KMT2C: variants seen among roughly 807,000 people sequenced by gnomAD.
The protein encoded by KMT2C is histone-lysine N-methyltransferase 2C.
A neutral mutation model predicts 507.9 loss-of-function variants in KMT2C; 88 were observed. The ratio of observed to expected loss-of-function variants is 0.17; its 90% CI spans 0.15 to 0.21. The LOEUF is 0.21. Ranked by LOEUF, KMT2C falls within the 10% of genes least tolerant of loss-of-function variation. KMT2C has a pLI of 1.00. For missense variants in KMT2C, 4,954 were observed against 5,957.8 expected (o/e 0.83, Z 5.55); for synonymous variants, 2,049 against 2,080.8 (o/e 0.98, Z 0.42).
At position 152,158,926 on chromosome 7, in the gene KMT2C, T is replaced by C. The variant is rs768888267; in HGVS notation, c.11607A>G (p.Lys3869=). The change falls in exon 44 of 59, where the codon AAA becomes AAG. Residue 3869 remains lysine, a synonymous_variant. Coordinates refer to ENST00000262189, the MANE Select transcript of KMT2C (RefSeq NM_170606.3). ...TAGCTTGTTTCTCCTCTTCGTCCTT[T>C]TTCCTTTTCTTTGAGCGAGGTGCTG... The part of the protein sequence containing the change: ...EKAAPRSKKR[K]KDEEEKQAMY... 25 of 1,614,102 alleles carry C rather than the reference T, an allele frequency of 1.5e-5. No individual in the cohort carries two copies. Among genetic ancestry groups the C allele is most frequent in the Middle Eastern group, 1.6e-4 (1 of 6,084 alleles).
chr7:152,301,145 T>C (rs1188860651), intron 6 of KMT2C, among the ~76,000 whole-genome samples: 2 of 151,182 alleles, frequency 1.3e-5, no homozygotes, highest in Non-Finnish European at 2.9e-5. Context: ...GGAGAACTGC[T>C]TGGGCCCAGG....
intron 8 of KMT2C, among the ~76,000 whole-genome samples, chr7:152,263,923 C>G (rs1031286321): frequency 6.6e-6 from 1 of 152,092 alleles, no homozygotes; most frequent in Non-Finnish European, 1.5e-5. Flanking sequence ...GCAAGAAGAG[C>G]TGAGAGAGGA....
intron 3 of KMT2C, among the ~76,000 whole-genome samples, chr7:152,315,776 G>A (rs1361400381): frequency 6.6e-6 from 1 of 152,138 alleles, no homozygotes; most frequent in East Asian, 1.9e-4. Context: ...AATTAGCTGG[G>A]TGTGGTGGCA....
intron 6 of KMT2C, among the ~76,000 whole-genome samples, chr7:152,299,034 T>C (rs1326142009): frequency 2.0e-5 from 3 of 152,116 alleles, no homozygotes; most frequent in South Asian, 2.1e-4. Flanking sequence ...TAATAAATAA[T>C]GTAGGCTGGG....
chr7:152,245,283 C>T (rs995793126), intron 14 of KMT2C, among the ~76,000 whole-genome samples: 6 of 152,014 alleles, frequency 3.9e-5, no homozygotes, highest in African/African-American at 1.5e-4. Flanking sequence ...TCCGGAACTG[C>T]TGTTTTTATA....
intron 13 of KMT2C, among the ~76,000 whole-genome samples, chr7:152,249,041 A>T (rs2095520214): frequency 6.6e-6 from 1 of 152,208 alleles, no homozygotes; most frequent in Non-Finnish European, 1.5e-5. Flanking sequence ...GACAGAAAAG[A>T]TTTACTAACC....
chr7:152,191,203 CCTT>C (rs1468255634), intron 31 of KMT2C, among the ~76,000 whole-genome samples: 1 of 152,174 alleles, frequency 6.6e-6, no homozygotes, highest in Non-Finnish European at 1.5e-5. Flanking sequence ...TCATCCATCT[CCTT>C]GACTAACTGC....
At chr7:152,359,644 G>A (rs748100547) in intron 1 of KMT2C, among the ~76,000 whole-genome samples, 4 of 151,348 alleles carry the variant, frequency 2.6e-5, no homozygotes, top group Admixed American at 6.6e-5. Flanking sequence ...ACATGGTGGC[G>A]TGCCAGTAAT....
chr7:152,288,895 C>T (rs1342332147), intron 6 of KMT2C, among the ~76,000 whole-genome samples: 2 of 152,244 alleles, frequency 1.3e-5, no homozygotes, highest in Non-Finnish European at 2.9e-5. Flanking sequence ...TTTTGCAAGT[C>T]CTAAAAGAAC....
At chr7:152,169,810 G>C (rs1032071677) in intron 40 of KMT2C, among the ~76,000 whole-genome samples, 9 of 152,002 alleles carry the variant, frequency 5.9e-5, no homozygotes, top group Non-Finnish European at 1.2e-4. Flanking sequence ...AGGTGTTTGA[G>C]GCCAGCCTGG....
At chr7:152,351,074 AAC>A (rs1461905388) in intron 2 of KMT2C, among the ~76,000 whole-genome samples, 1 of 152,182 alleles carries the variant, frequency 6.6e-6, no homozygotes, top group Non-Finnish European at 1.5e-5. Flanking sequence ...CAGCGACAAT[AAC>A]ACACAAGGAG....
intron 27 of KMT2C, among the ~76,000 whole-genome samples, chr7:152,197,398 G>A (rs2093995979): frequency 6.6e-6 from 1 of 152,130 alleles, no homozygotes; most frequent in Non-Finnish European, 1.5e-5. Context: ...AAAAGGGGGA[G>A]GAGGGCATAA....
At chr7:152,150,813 G>T in intron 51 of KMT2C, 87 bp downstream of exon 51, 2 of 901,836 alleles carry the variant, frequency 2.2e-6, no homozygotes, top group Non-Finnish European at 3.6e-6. Flanking sequence ...ATGAAGGCAG[G>T]GACACATCTT....
At chr7:152,193,574 T>C (rs2093871283) in intron 31 of KMT2C, among the ~76,000 whole-genome samples, 1 of 152,122 alleles carries the variant, frequency 6.6e-6, no homozygotes, top group African/African-American at 2.4e-5. Flanking sequence ...TGCCATATGC[T>C]ACAAATGAAA....
intron 1 of KMT2C, among the ~76,000 whole-genome samples, chr7:152,378,967 C>T (rs1442034630): frequency 6.6e-6 from 1 of 151,610 alleles, no homozygotes; most frequent in African/African-American, 2.4e-5. Flanking sequence ...AAAAGTTGTC[C>T]TCTTTCTCCC....
intron 2 of KMT2C, among the ~76,000 whole-genome samples, chr7:152,339,755 T>C (rs953101672): frequency 2.0e-5 from 3 of 152,152 alleles, no homozygotes; most frequent in African/African-American, 7.2e-5. Context: ...TCTGTTTTTA[T>C]AAACCAGAGC....
intron 1 of KMT2C, among the ~76,000 whole-genome samples, chr7:152,430,126 C>A (rs557283834): frequency 6.7e-6 from 1 of 148,812 alleles, no homozygotes; most frequent in African/African-American, 2.5e-5. Context: ...CACAGTGAGC[C>A]AGGATCACGC....
At chr7:152,259,387 A>T (rs1166041760) in intron 9 of KMT2C, among the ~76,000 whole-genome samples, 1 of 151,772 alleles carries the variant, frequency 6.6e-6, no homozygotes, top group African/African-American at 2.4e-5. Flanking sequence ...GTATGTAATT[A>T]ACCCTCAAAT....
At chr7:152,282,320 AAAAG>A (rs2096231966) in intron 6 of KMT2C, among the ~76,000 whole-genome samples, 2 of 145,212 alleles carry the variant, frequency 1.4e-5, no homozygotes, top group Admixed American at 1.4e-4. Context: ...AGAAAGAAAG[AAAAG>A]AAAGTAGCCA....
Sources: allele counts gnomAD v4.1 joint callset (sites outside exome capture counted in the v4.1 genomes callset), GRCh38; gene constraint gnomAD v4.1.1; transcripts MANE v1.5; gene names NCBI Gene and HGNC (gene_info 2026-07-23, HGNC 2026-07-21).